PCDHA12: variants seen among roughly 807,000 people sequenced by gnomAD.
The protein encoded by PCDHA12 is protocadherin alpha-12.
A neutral mutation model predicts 60.0 loss-of-function variants in PCDHA12; 44 were observed. The ratio of observed to expected loss-of-function variants is 0.73; its 90% confidence interval spans 0.58 to 0.94. The LOEUF is 0.94. Ranked by LOEUF, PCDHA12 falls within the 40% of genes least tolerant of loss-of-function variation. PCDHA12 has a pLI of 0.00. For synonymous variants in PCDHA12, 569 were observed against 553.0 expected (o/e 1.03, Z -0.40); for missense variants, 1,276 against 1,239.7 (o/e 1.03, Z -0.44).
At chr5:140,945,761 G>T (rs2093839627) in intron 1 of PCDHA12, among the ~76,000 whole-genome samples, 1 of 152,118 alleles carries the variant, frequency 6.6e-6, no homozygotes, top group East Asian at 1.9e-4. Flanking sequence ...AATGGTGGTG[G>T]GACAATTTGA....
intron 3 of PCDHA12, among the ~76,000 whole-genome samples, chr5:140,991,237 A>G (rs2097440162): frequency 6.6e-6 from 1 of 152,186 alleles, no homozygotes; most frequent in African/African-American, 2.4e-5. Context: ...ATGCAGTGGT[A>G]AAGGCAGTAT....
intron 1 of PCDHA12, among the ~76,000 whole-genome samples, chr5:140,931,177 A>G (rs1288307941): frequency 1.3e-5 from 2 of 152,200 alleles, no homozygotes; most frequent in African/African-American, 4.8e-5. Context: ...ATTTTAGGGA[A>G]GGAAATTGGT....
Position 141,010,035 on chromosome 5 carries a change from G to A in PCDHA12, c.*98G>A. 7 of 1,582,518 alleles carry A rather than the reference G, an allele frequency of 4.4e-6. No individual in the cohort carries two copies. The South Asian group carries it at 7.1e-5, about 16-fold the overall frequency. ...CTGCTCCTTTTTCCTATCTACATGAGCCCTCTTAGAGACCTCAGAAATCTG... is the reference window on the plus strand; with the variant it reads ...CTGCTCCTTTTTCCTATCTACATGAACCCTCTTAGAGACCTCAGAAATCTG... On this transcript the variant is annotated 3_prime_UTR_variant, in exon 4 of 4. Coordinates refer to ENST00000398631, the MANE Select transcript of PCDHA12 (RefSeq NM_018903.4).
chr5:140,903,540 A>G (rs531687543), intron 1 of PCDHA12, among the ~76,000 whole-genome samples: 46 of 152,352 alleles, frequency 3.0e-4, no homozygotes, highest in African/African-American at 9.9e-4. Flanking sequence ...AACTAGAGCA[A>G]GAAACTTTTC....
At chr5:140,936,681 T>G (rs781812048) in intron 1 of PCDHA12, among the ~76,000 whole-genome samples, 3 of 152,246 alleles carry the variant, frequency 2.0e-5, no homozygotes, top group African/African-American at 2.4e-5. Flanking sequence ...CTATTCTGTT[T>G]CATTGGTCAA....
intron 1 of PCDHA12, among the ~76,000 whole-genome samples, chr5:140,944,059 T>C (rs190208662): frequency 6.6e-6 from 1 of 152,296 alleles, no homozygotes; most frequent in East Asian, 1.9e-4. Flanking sequence ...TACAAAAAGG[T>C]TTCTTGTTAA....
chr5:140,877,685 C>A lies in PCDHA12; in HGVS notation c.2213C>A (p.Thr738Lys), dbSNP rs377753884. Residue 738 changes from threonine to lysine, a missense_variant, in exon 1 of 4, where the codon ACG (threonine) becomes AAG (lysine). Thr to Lys is a moderately conservative substitution (Grantham distance 78). Coordinates refer to ENST00000398631, the MANE Select transcript of PCDHA12 (RefSeq NM_018903.4). ...TVSRCAPGKPTLVCSSAVGSW... is the reference protein window; with the variant it reads ...TVSRCAPGKPKLVCSSAVGSW... ...AGCCGGTGCGCGCCGGGCAAGCCCA[C>A]GCTGGTGTGCTCCAGCGCCGTGGGG... 1.2e-6 allele frequency: 2 copies of A among 1,613,628 alleles called. No homozygotes were observed. The highest frequency in any genetic ancestry group is 1.7e-6 in the Non-Finnish European group (2 of 1,179,904).
At chr5:140,973,760 A>T (rs2153800993) in intron 1 of PCDHA12, among the ~76,000 whole-genome samples, 1 of 152,376 alleles carries the variant, frequency 6.6e-6, no homozygotes, top group Admixed American at 6.5e-5. Flanking sequence ...GCAGGGACAC[A>T]GCCTGGCATA....
At chr5:140,972,276 A>G (rs1471308188) in intron 1 of PCDHA12, among the ~76,000 whole-genome samples, 1 of 150,442 alleles carries the variant, frequency 6.6e-6, no homozygotes, top group Non-Finnish European at 1.5e-5. Flanking sequence ...AGTAGCTTGG[A>G]CCATAGATGT....
chr5:140,955,595 A>G (rs1366870361), intron 1 of PCDHA12, among the ~76,000 whole-genome samples: 1 of 152,194 alleles, frequency 6.6e-6, no homozygotes, highest in Admixed American at 6.5e-5. Context: ...TCTTTCTTTT[A>G]TAAATTACCC....
intron 1 of PCDHA12, among the ~76,000 whole-genome samples, chr5:140,888,040 T>C (rs1338203545): frequency 6.6e-6 from 1 of 152,222 alleles, no homozygotes; most frequent in Non-Finnish European, 1.5e-5. Context: ...TTAGTACATG[T>C]ATAATAGATG....
rs781863404 is a variant in PCDHA12, at chr5:141,010,259, G to C, written c.*322G>C. 6.4e-7 allele frequency: 1 copy of C among 1,551,820 alleles called. No individual in the cohort carries two copies. The highest frequency in any genetic ancestry group is 1.2e-5 in the South Asian group (1 of 84,074). On this transcript the variant is annotated 3_prime_UTR_variant, in exon 4 of 4. Coordinates refer to ENST00000398631, the MANE Select transcript of PCDHA12 (RefSeq NM_018903.4). Reference sequence around the variant, plus strand: ...TGAGAGGTTGGACTCTCTGCCCTGTGCTCCGGGGATCCTGTCTTGATGACA... The same window carrying C: ...TGAGAGGTTGGACTCTCTGCCCTGTCCTCCGGGGATCCTGTCTTGATGACA...
At chr5:140,967,876 G>C (rs369514758) in intron 1 of PCDHA12, 1 of 1,614,144 alleles carries the variant, frequency 6.2e-7, no homozygotes, top group Non-Finnish European at 8.5e-7. Flanking sequence ...TCACGGACCT[G>C]TATAGCCCAG....
chr5:140,881,803 T>A (rs574659861), intron 1 of PCDHA12, among the ~76,000 whole-genome samples: 5 of 152,058 alleles, frequency 3.3e-5, no homozygotes, highest in Non-Finnish European at 7.3e-5. Context: ...CCAAAACGAG[T>A]GTCGAATATT....
rs576672695 is a variant in PCDHA12, at chr5:140,976,134, A to G, written c.2368-2815A>G. On this transcript the variant is annotated intron_variant, in intron 1 of 3. Transcript: ENST00000398631. ...TTTTCCAAGTTTAATCAAGTTCTGG[A>G]TGAAACTCATGTACATTTTACTACT... Among the ~76,000 whole-genome samples the G allele has an allele frequency of 2.0e-5, 3 of 152,348 alleles. No homozygotes were observed. In the East Asian group the frequency reaches 5.8e-4, roughly 29 times the overall value.
chr5:140,992,698 A>G (rs764226558), intron 3 of PCDHA12, among the ~76,000 whole-genome samples: 4 of 152,094 alleles, frequency 2.6e-5, no homozygotes, highest in Non-Finnish European at 4.4e-5. Flanking sequence ...GGGGTGGGTA[A>G]TGTTCCTGCC....
intron 1 of PCDHA12, among the ~76,000 whole-genome samples, chr5:140,904,268 A>G (rs989389819): frequency 1.3e-5 from 2 of 152,004 alleles, no homozygotes; most frequent in African/African-American, 4.8e-5. Context: ...CCACTTATGA[A>G]TGAGAACATG....
At chr5:140,958,759 A>G (rs1254935099) in intron 1 of PCDHA12, among the ~76,000 whole-genome samples, 2 of 152,112 alleles carry the variant, frequency 1.3e-5, no homozygotes, top group African/African-American at 4.8e-5. Flanking sequence ...ATTTTTACCC[A>G]TTTCTGTTTG....
intron 1 of PCDHA12, among the ~76,000 whole-genome samples, chr5:140,936,879 C>A (rs2091197572): frequency 6.6e-6 from 1 of 152,054 alleles, no homozygotes; most frequent in African/African-American, 2.4e-5. Flanking sequence ...AAAAACCCTG[C>A]TTTGATTTTA....
Sources: gnomAD v4.1 joint callset for allele counts (sites outside exome capture counted in the v4.1 genomes callset) on GRCh38, gnomAD v4.1.1 for gene constraint, MANE v1.5 for transcripts, NCBI Gene and HGNC (gene_info 2026-07-23, HGNC 2026-07-21) for gene names.